The following SNX10 variants were observed in gnomAD, a reference collection of about 807,000 sequenced individuals.
SNX10 encodes sorting nexin-10.
Under a neutral mutation model 28.5 loss-of-function variants are expected in SNX10, and 25 were observed. The ratio of observed to expected loss-of-function variants is 0.88; its 90% CI spans 0.64 to 1.22. The LOEUF (loss-of-function observed/expected upper bound fraction) is 1.22, where lower values mean the gene tolerates loss of function less well. Ranked by LOEUF, SNX10 falls within the 50% of genes most tolerant of loss-of-function variation. The pLI is 0.00. For synonymous variants in SNX10, 62 were observed against 81.4 expected, an observed-to-expected ratio of 0.76 and a Z score of 1.28; for missense variants, 223 against 242.6, an observed-to-expected ratio of 0.92 and a Z score of 0.54.
At chr7:26,335,756 T>G (rs1264775167) in intron 1 of SNX10, among the ~76,000 whole-genome samples, 1 of 139,572 alleles carries the variant, frequency 7.2e-6, no homozygotes, top group African/African-American at 2.7e-5. Context: ...TTTTTTTTTT[T>G]TTTTTGAGAC....
intron 1 of SNX10, among the ~76,000 whole-genome samples, chr7:26,295,370 T>C (rs1406320547): frequency 1.3e-5 from 2 of 152,174 alleles, no homozygotes; most frequent in African/African-American, 4.8e-5. Flanking sequence ...CCTGATTTCA[T>C]ATTCATCTGC....
Position 26,298,529 on chromosome 7 carries a change from C to T in SNX10, c.-24+6443C>T, listed in dbSNP as rs540287410. Among the ~76,000 whole-genome samples, 55 of 152,296 alleles carry T rather than the reference C, an allele frequency of 3.6e-4. 1 individual carries two copies. The South Asian group carries it at 7.9e-3, about 22-fold the overall frequency. On this transcript the variant is annotated intron_variant, in intron 1 of 6. Coordinates refer to ENST00000338523, the MANE Select transcript of SNX10 (RefSeq NM_013322.3). ...ACCATCTCTTGGAAAGGCACGTTAG[C>T]AGTATTTATAACATTTTAAAGTTTG... is the stretch of plus-strand genomic sequence containing the variant.
At chr7:26,367,091 T>G (rs998317607) in intron 5 of SNX10, among the ~76,000 whole-genome samples, 1 of 152,184 alleles carries the variant, frequency 6.6e-6, no homozygotes, top group African/African-American at 2.4e-5. Context: ...AAGCCTTTGT[T>G]TGCTATAGAG....
chr7:26,344,741 TGAACG>T (rs1165369186), intron 1 of SNX10, among the ~76,000 whole-genome samples: 3 of 152,246 alleles, frequency 2.0e-5, no homozygotes, highest in Admixed American at 6.5e-5. Flanking sequence ...AAAGAGTGAC[TGAACG>T]GAATCTCCAG....
chr7:26,353,643 G>T (rs1196601002), intron 2 of SNX10, among the ~76,000 whole-genome samples: 1 of 151,874 alleles, frequency 6.6e-6, no homozygotes, highest in Non-Finnish European at 1.5e-5. Context: ...GCAGAGACGG[G>T]GTTTCACCAT....
At chr7:26,314,890 C>T (rs1393430232) in intron 1 of SNX10, among the ~76,000 whole-genome samples, 2 of 151,960 alleles carry the variant, frequency 1.3e-5, no homozygotes, top group South Asian at 2.1e-4. Flanking sequence ...CCCAGCTACT[C>T]GGGAGGCTGA....
At chr7:26,352,403 A>G (rs1416916042) in intron 2 of SNX10, among the ~76,000 whole-genome samples, 2 of 152,116 alleles carry the variant, frequency 1.3e-5, no homozygotes, top group African/African-American at 2.4e-5. Context: ...ACCCTATGCA[A>G]TGGAGTAAGA....
intron 1 of SNX10, among the ~76,000 whole-genome samples, chr7:26,330,261 G>T (rs904433904): frequency 6.6e-6 from 1 of 152,146 alleles, no homozygotes; most frequent in African/African-American, 2.4e-5. Flanking sequence ...AAAGCCACAG[G>T]CATGAGGAGC....
At chr7:26,308,333 C>G (rs1398561931) in intron 1 of SNX10, among the ~76,000 whole-genome samples, 2 of 152,220 alleles carry the variant, frequency 1.3e-5, no homozygotes, top group Admixed American at 6.5e-5. Flanking sequence ...AGGAGGGGTT[C>G]TGCCCTTTAC....
rs1788032109 is a variant in SNX10 at position 26,338,471 on chromosome 7, G to A, written c.-23-7949G>A. On this transcript the variant is annotated intron_variant, in intron 1 of 6. Coordinates refer to ENST00000338523, the MANE Select transcript of SNX10 (RefSeq NM_013322.3). ...GACTGCATCTCGCTCTGTTGCCCAG[G>A]CCTGGAGTGCAGTGGCGTGATCTTG... 2.0e-5 allele frequency among the ~76,000 whole-genome samples: 3 copies of A among 152,096 alleles called. No homozygotes were observed. In the South Asian group the frequency reaches 6.2e-4, roughly 31 times the overall value.
At chr7:26,366,473 C>T (rs1049714060) in intron 5 of SNX10, among the ~76,000 whole-genome samples, 1 of 152,142 alleles carries the variant, frequency 6.6e-6, no homozygotes, top group South Asian at 2.1e-4. Context: ...CCTCCGAAAA[C>T]ATTTCATTGT....
intron 2 of SNX10, among the ~76,000 whole-genome samples, chr7:26,350,235 C>T (rs559482375): frequency 6.6e-6 from 1 of 152,216 alleles, no homozygotes; most frequent in African/African-American, 2.4e-5. Flanking sequence ...GACACCTTAG[C>T]GATGATATAT....
At chr7:26,361,164 C>T in intron 3 of SNX10, 103 bp downstream of exon 3, 1 of 1,167,246 alleles carries the variant, frequency 8.6e-7, no homozygotes, top group African/African-American at 1.6e-5. Context: ...ATTCAAATAA[C>T]TGAATTTGAA....
intron 1 of SNX10, among the ~76,000 whole-genome samples, chr7:26,305,535 T>C (rs945514329): frequency 8.5e-5 from 13 of 152,330 alleles, no homozygotes; most frequent in South Asian, 2.1e-4. Context: ...TTACTGTAGC[T>C]CTGGGCTCTG....
chr7:26,337,315 G>A (rs1277643351), intron 1 of SNX10, among the ~76,000 whole-genome samples: 1 of 152,134 alleles, frequency 6.6e-6, no homozygotes. Flanking sequence ...CCATACTAGT[G>A]TATAGACCTT....
Position 26,305,366 on chromosome 7 carries a change from A to G in SNX10, c.-24+13280A>G, listed in dbSNP as rs569255757. Among the ~76,000 whole-genome samples the G allele has an allele frequency of 9.5e-4, 145 of 152,270 alleles. 2 individuals are homozygous for G. In the South Asian group the frequency reaches 0.014, roughly 15 times the overall value. On this transcript the variant is annotated intron_variant, in intron 1 of 6. Transcript: ENST00000338523. ...CACTCCTTAGAAGTTATAAATACAA[A>G]CACACACAAAAGAGTTTTCTATCAC...
chr7:26,322,139 C>T (rs10251329), intron 1 of SNX10, among the ~76,000 whole-genome samples: 89,138 of 151,948 alleles, frequency 0.59, 26,766 homozygotes, highest in East Asian at 0.81. Context: ...TCCTACCAGA[C>T]TGGAGTTGGT....
intron 1 of SNX10, among the ~76,000 whole-genome samples, chr7:26,345,523 C>T (rs553295278): frequency 4.6e-5 from 7 of 152,282 alleles, no homozygotes; most frequent in Admixed American, 1.3e-4. Flanking sequence ...TGGGGTCTCT[C>T]GTCTGCACCT....
At chr7:26,331,541 G>A (rs6461928) in intron 1 of SNX10, among the ~76,000 whole-genome samples, 3 of 151,324 alleles carry the variant, frequency 2.0e-5, no homozygotes, top group South Asian at 2.1e-4. Flanking sequence ...AGCTGTGCTC[G>A]TGTCACTGCA....
Sources: gnomAD v4.1 joint callset for allele counts (sites outside exome capture counted in the v4.1 genomes callset) on GRCh38, gnomAD v4.1.1 for gene constraint, MANE v1.5 for transcripts, NCBI Gene and HGNC (gene_info 2026-07-23, HGNC 2026-07-21) for gene names.